Variants in SBF2 observed in about 807,000 individuals in gnomAD.
The protein encoded by SBF2 is myotubularin-related protein 13.
A neutral mutation model predicts 225.2 loss-of-function variants in SBF2; 112 were observed. The observed-to-expected ratio is 0.50, with a 90% confidence interval of 0.43 to 0.58. SBF2 has a LOEUF of 0.58. Among genes scored for constraint, SBF2 ranks in the 20% least tolerant of loss-of-function variants. The probability of loss-of-function intolerance (pLI) is 0.00; values close to 1 mark genes in which losing one functional copy is unlikely to be tolerated. For synonymous variants in SBF2, 763 were observed against 773.3 expected, an observed-to-expected ratio of 0.99 and a Z score of 0.22; for missense variants, 1,996 against 2,206.2, an observed-to-expected ratio of 0.90 and a Z score of 1.91.
In SBF2 at chr11:9,789,233, T is replaced by C. The variant is rs757498268; in HGVS notation, c.4808A>G (p.His1603Arg). ...SYDWMMLTPK[H>R]FPSEDSDLAG... ...CAGGTCAGAGTCTTCGGAGGGGAAG[T>C]GCTTGGGGGTTAGCATCATCCAGTC... The change falls in exon 35 of 40, where the codon CAC becomes CGC. Residue 1603 changes from histidine to arginine, a missense_variant. Coordinates refer to ENST00000256190, the MANE Select transcript of SBF2 (RefSeq NM_030962.4). 11 of 1,613,980 alleles carry C rather than the reference T, an allele frequency of 6.8e-6. No individual in the cohort carries two copies. The highest frequency in any genetic ancestry group is 1.1e-5 in the South Asian group (1 of 91,072).
chr11:9,891,610 A>G (rs147160885), intron 17 of SBF2, among the ~76,000 whole-genome samples: 25 of 152,366 alleles, frequency 1.6e-4, no homozygotes, highest in Non-Finnish European at 2.8e-4. Flanking sequence ...AACAACAAAC[A>G]TAAGTATAAA....
intron 16 of SBF2, among the ~76,000 whole-genome samples, chr11:9,930,956 C>T (rs545586988): frequency 1.1e-3 from 161 of 152,380 alleles, no homozygotes; most frequent in African/African-American, 3.8e-3. Context: ...TCTCCCATGC[C>T]AGGCTTGGCT....
intron 17 of SBF2, among the ~76,000 whole-genome samples, chr11:9,875,931 A>G (rs528522031): frequency 6.6e-6 from 1 of 151,824 alleles, no homozygotes; most frequent in Non-Finnish European, 1.5e-5. Context: ...TTAAGTGTAA[A>G]CTCACTGAGT....
chr11:9,968,153 T>C (rs1237081520), intron 14 of SBF2, among the ~76,000 whole-genome samples, 188 bp downstream of exon 14: 1 of 151,924 alleles, frequency 6.6e-6, no homozygotes, highest in African/African-American at 2.4e-5. Flanking sequence ...ATAGTGGCAG[T>C]GGTTGGGTTA....
intron 26 of SBF2, among the ~76,000 whole-genome samples, chr11:9,836,470 C>T (rs930724709): frequency 1.1e-4 from 16 of 152,154 alleles, no homozygotes; most frequent in East Asian, 3.9e-4. Flanking sequence ...TCCACTGGTC[C>T]GTTTGTCCAT....
intron 38 of SBF2, 128 bp from the exon 39 acceptor site, chr11:9,781,766 C>T: frequency 9.2e-7 from 1 of 1,084,542 alleles, no homozygotes; most frequent in Non-Finnish European, 1.4e-6. Flanking sequence ...TCGAAGAATA[C>T]ACAAAAAATT....
At chr11:9,996,421 G>C (rs1184212759) in intron 9 of SBF2, among the ~76,000 whole-genome samples, 1 of 152,058 alleles carries the variant, frequency 6.6e-6, no homozygotes, top group Non-Finnish European at 1.5e-5. Flanking sequence ...ATGGAGTCGA[G>C]CTCTGTCACC....
intron 1 of SBF2, among the ~76,000 whole-genome samples, chr11:10,212,718 A>C (rs1957980700): frequency 6.6e-6 from 1 of 152,184 alleles, no homozygotes; most frequent in Admixed American, 6.5e-5. Flanking sequence ...CAATTTGCAT[A>C]CTATATTAAG....
intron 2 of SBF2, among the ~76,000 whole-genome samples, chr11:10,048,671 A>G (rs1949959816): frequency 6.6e-6 from 1 of 152,228 alleles, no homozygotes; most frequent in Non-Finnish European, 1.5e-5. Flanking sequence ...ATGAGCTTTC[A>G]AGCACCTGAG....
intron 21 of SBF2, among the ~76,000 whole-genome samples, chr11:9,850,713 G>T (rs1856862106): frequency 6.6e-6 from 1 of 152,216 alleles, no homozygotes; most frequent in Non-Finnish European, 1.5e-5. Context: ...CCAAATGTGA[G>T]AGGATTCTTT....
chr11:10,280,919 T>G (rs561845896), intron 1 of SBF2, among the ~76,000 whole-genome samples: 122 of 152,310 alleles, frequency 8.0e-4, no homozygotes, highest in African/African-American at 2.5e-3. Flanking sequence ...ACAGTTAACT[T>G]TCGGCCCTAA....
rs376834447 is a variant in SBF2 at position 9,840,964 on chromosome 11, GA to G, written c.3257-1269del. ...ATTGGTACTGCATGTTCTAACTGGG[GA>G]AAAAAAAAATCCATGTTAAAAACTG... On this transcript the variant is annotated intron_variant, in intron 25 of 39. Coordinates refer to ENST00000256190, the MANE Select transcript of SBF2 (RefSeq NM_030962.4). Among the ~76,000 whole-genome samples, 842 of 145,114 alleles carry G rather than the reference GA, an allele frequency of 5.8e-3. 4 individuals are homozygous for G. The highest frequency in any genetic ancestry group is 0.019 in the African/African-American group (762 of 39,690).
At chr11:10,243,192 T>C (rs1396611824) in intron 1 of SBF2, among the ~76,000 whole-genome samples, 1 of 151,678 alleles carries the variant, frequency 6.6e-6, no homozygotes, top group Non-Finnish European at 1.5e-5. Flanking sequence ...AATTCAAAAA[T>C]ATGTGGAAAT....
chr11:9,918,801 T>C (rs1344035880), intron 16 of SBF2, among the ~76,000 whole-genome samples: 2 of 151,512 alleles, frequency 1.3e-5, no homozygotes, highest in East Asian at 2.0e-4. Context: ...TGCAGTGGCG[T>C]GATCTCGGCT....
chr11:10,272,869 G>A (rs574662413), intron 1 of SBF2, among the ~76,000 whole-genome samples: 53 of 150,144 alleles, frequency 3.5e-4, no homozygotes, highest in Non-Finnish European at 5.6e-4. Flanking sequence ...TCAAGAGTTC[G>A]AGAGAGCCTG....
intron 2 of SBF2, among the ~76,000 whole-genome samples, chr11:10,102,322 G>A (rs12099128): frequency 6.3e-4 from 96 of 152,306 alleles, no homozygotes; most frequent in African/African-American, 2.2e-3. Flanking sequence ...TGATGTCTTA[G>A]GCTCCACACC....
At chr11:10,113,938 AGCT>A (rs765846252) in intron 2 of SBF2, among the ~76,000 whole-genome samples, 1 of 151,940 alleles carries the variant, frequency 6.6e-6, no homozygotes, top group African/African-American at 2.4e-5. Context: ...ACTTGTTCAA[AGCT>A]GCTATTATAA....
chr11:9,843,510 T>C (rs1252727742), intron 24 of SBF2, among the ~76,000 whole-genome samples: 1 of 152,206 alleles, frequency 6.6e-6, no homozygotes, highest in Non-Finnish European at 1.5e-5. Flanking sequence ...ATCCAGAGAA[T>C]TAAACAGAGA....
intron 7 of SBF2, among the ~76,000 whole-genome samples, chr11:10,002,152 C>A (rs1299286984): frequency 1.3e-5 from 2 of 152,060 alleles, no homozygotes; most frequent in East Asian, 3.8e-4. Flanking sequence ...TATTCTCAAG[C>A]AAATACCAGA....
Sources: gnomAD v4.1 joint callset for allele counts (sites outside exome capture counted in the v4.1 genomes callset) on GRCh38, gnomAD v4.1.1 for gene constraint, MANE v1.5 for transcripts, NCBI Gene and HGNC (gene_info 2026-07-23, HGNC 2026-07-21) for gene names.